The following NPAS3 variants were observed in gnomAD, a reference collection of about 807,000 sequenced individuals.
NPAS3 encodes the protein neuronal PAS domain-containing protein 3.
A neutral mutation model predicts 73.1 loss-of-function variants in NPAS3; 14 were observed. That is an observed-to-expected ratio of 0.19 (90% CI 0.13 to 0.30). The LOEUF (loss-of-function observed/expected upper bound fraction) is 0.30. NPAS3 is among the 10% of genes least tolerant of loss of function. The probability of loss-of-function intolerance (pLI) is 1.00; values close to 1 mark genes in which losing one functional copy is unlikely to be tolerated. For synonymous variants in NPAS3, 620 were observed against 541.5 expected, an observed-to-expected ratio of 1.14 and a Z score of -2.01; for missense variants, 1,096 against 1,250.0, an observed-to-expected ratio of 0.88 and a Z score of 1.86.
In NPAS3 at chr14:33,369,404, C is replaced by CAAAA. The variant is rs3058296; in HGVS notation, c.468+2156_468+2159dup. Among the ~76,000 whole-genome samples the CAAAA allele has an allele frequency of 2.7e-3, 242 of 90,928 alleles. 5 individuals carry two copies. Among genetic ancestry groups the CAAAA allele is most frequent in the South Asian group, 5.3e-3 (14 of 2,644 alleles). 59.7% of individuals were successfully genotyped at this position (90,928 alleles called of 152,430 possible). On this transcript the variant is annotated intron_variant, in intron 4 of 11. Transcript: ENST00000356141. Reference sequence around the variant, plus strand: ...TCTATTTATTTGAAGGCCTCATTTCCAAAAAAAAAAAAAAAAAAAAAAAGG... The same window carrying CAAAA: ...TCTATTTATTTGAAGGCCTCATTTCCAAAAAAAAAAAAAAAAAAAAAAAAAAAGG...
chr14:33,793,877 GTT>G lies in NPAS3; in HGVS notation c.1154-17_1154-16del, dbSNP rs1416968960. On this transcript the variant is annotated intron_variant, in intron 9 of 11. Transcript: ENST00000356141. Reference sequence around the variant, plus strand: ...ATCCCAGTCTTAATACAATGCCTCTGTTTTGTTTTTTTTCGCCAGTGCTGAAT... The same window carrying G: ...ATCCCAGTCTTAATACAATGCCTCTGTTGTTTTTTTTCGCCAGTGCTGAAT... 6.2e-7 allele frequency: 1 copy of G among 1,601,868 alleles called. No individual in the cohort carries two copies. Among genetic ancestry groups the G allele is most frequent in the South Asian group, 1.1e-5 (1 of 88,570 alleles).
At chr14:33,736,730 G>A (rs577179299) in intron 7 of NPAS3, among the ~76,000 whole-genome samples, 32 of 152,048 alleles carry the variant, frequency 2.1e-4, no homozygotes, top group Non-Finnish European at 3.8e-4. Flanking sequence ...TCTGTCTCTC[G>A]GCATTCTTTC....
chr14:33,489,267 T>G (rs1310665444), intron 4 of NPAS3, among the ~76,000 whole-genome samples: 1 of 152,156 alleles, frequency 6.6e-6, no homozygotes, highest in Non-Finnish European at 1.5e-5. Context: ...CAATATAATA[T>G]AGGGATTTTG....
exon 12 of NPAS3, chr14:33,799,943 G>T: frequency 6.2e-7 from 1 of 1,614,104 alleles, no homozygotes; most frequent in Non-Finnish European, 8.5e-7. Context: ...GGGCGAGGAC[G>T]GCTTCGGTGC....
intron 1 of NPAS3, among the ~76,000 whole-genome samples, chr14:32,968,573 T>C (rs1443773283): frequency 6.6e-6 from 1 of 152,194 alleles, no homozygotes; most frequent in Non-Finnish European, 1.5e-5. Context: ...AATCCAGTAA[T>C]AAAGTTTAAT....
rs145354297 is a variant in NPAS3 at position 33,176,606 on chromosome 14, T to A, written c.141-38576T>A. Among the ~76,000 whole-genome samples the A allele has an allele frequency of 9.2e-5, 14 of 152,278 alleles. No individual in the cohort carries two copies. The East Asian group carries it at 2.7e-3, about 29-fold the overall frequency. ...ACTGTACGTAAATGCCACATTTGTTTATCTATTTATCTGTTGATGGACACT... is the reference window on the plus strand; with the variant it reads ...ACTGTACGTAAATGCCACATTTGTTAATCTATTTATCTGTTGATGGACACT... On this transcript the variant is annotated intron_variant, in intron 2 of 11. Coordinates refer to ENST00000356141, the Ensembl canonical transcript of NPAS3.
chr14:33,516,520 C>G (rs2053305833), intron 4 of NPAS3, among the ~76,000 whole-genome samples: 1 of 152,108 alleles, frequency 6.6e-6, no homozygotes, highest in Admixed American at 6.6e-5. Flanking sequence ...GAGTGGAGAA[C>G]CAGAGTCAGA....
intron 1 of NPAS3, among the ~76,000 whole-genome samples, chr14:32,957,727 A>T (rs756563262): frequency 6.6e-6 from 1 of 152,132 alleles, no homozygotes; most frequent in Non-Finnish European, 1.5e-5. Context: ...TTCTCTTAAC[A>T]ATTTAGAAAG....
intron 2 of NPAS3, among the ~76,000 whole-genome samples, chr14:33,191,816 C>A (rs965707189): frequency 6.6e-6 from 1 of 152,148 alleles, no homozygotes; most frequent in African/African-American, 2.4e-5. Context: ...ACAAAGCAAC[C>A]ATGTTATTTT....
chr14:33,477,647 A>G (rs958240099), intron 4 of NPAS3, among the ~76,000 whole-genome samples: 1 of 152,150 alleles, frequency 6.6e-6, no homozygotes, highest in Non-Finnish European at 1.5e-5. Flanking sequence ...CTGATTAAAC[A>G]CTTCGGATCC....
intron 1 of NPAS3, among the ~76,000 whole-genome samples, chr14:33,029,020 A>G (rs2039902171): frequency 1.3e-5 from 2 of 152,002 alleles, no homozygotes; most frequent in Admixed American, 6.6e-5. Context: ...AAGACAGCTT[A>G]GGAGTTTGAT....
Position 33,130,973 on chromosome 14 carries a change from G to T in NPAS3, c.140+74979G>T, listed in dbSNP as rs111318331. ...GGGACAACGGAAGCCTCAGAGATGG[G>T]TATTTATTCTACTCTTAAAGATATA... On this transcript the variant is annotated intron_variant, in intron 2 of 11. Coordinates refer to ENST00000356141, the Ensembl canonical transcript of NPAS3. Among the ~76,000 whole-genome samples, 422 of 152,196 alleles carry T rather than the reference G, an allele frequency of 2.8e-3. 1 individual carries two copies. The highest frequency in any genetic ancestry group is 9.9e-3 in the African/African-American group (412 of 41,530).
intron 2 of NPAS3, among the ~76,000 whole-genome samples, chr14:33,211,637 A>G (rs953199661): frequency 1.3e-5 from 2 of 152,092 alleles, no homozygotes; most frequent in African/African-American, 4.8e-5. Flanking sequence ...AAAATTTACT[A>G]TTTCTCCTAT....
chr14:33,015,239 T>C (rs58497144), intron 1 of NPAS3, among the ~76,000 whole-genome samples: 17,576 of 152,228 alleles, frequency 0.12, 1,106 homozygotes, highest in East Asian at 0.23. Flanking sequence ...CAAACTGTCT[T>C]CATCTGTTTT....
At chr14:33,242,076 T>C (rs1447049430) in intron 3 of NPAS3, among the ~76,000 whole-genome samples, 1 of 152,044 alleles carries the variant, frequency 6.6e-6, no homozygotes, top group Non-Finnish European at 1.5e-5. Flanking sequence ...CCAACTGATA[T>C]ACTAATAATT....
intron 7 of NPAS3, among the ~76,000 whole-genome samples, chr14:33,773,892 C>T (rs1008186079): frequency 1.3e-5 from 2 of 152,148 alleles, no homozygotes; most frequent in African/African-American, 4.8e-5. Flanking sequence ...CAATATCAAC[C>T]CCTGAACGAA....
intron 3 of NPAS3, among the ~76,000 whole-genome samples, chr14:33,225,025 T>G (rs2047573966): frequency 6.6e-6 from 1 of 152,180 alleles, no homozygotes; most frequent in African/African-American, 2.4e-5. Context: ...AACAAGCCTC[T>G]GTCCAAATGG....
At chr14:33,031,389 A>G (rs960530514) in intron 1 of NPAS3, among the ~76,000 whole-genome samples, 21 of 152,202 alleles carry the variant, frequency 1.4e-4, no homozygotes, top group African/African-American at 5.1e-4. Flanking sequence ...TCATATGCCT[A>G]GTTATGGCTA....
chr14:33,104,248 T>A (rs1030129045), intron 2 of NPAS3, among the ~76,000 whole-genome samples: 7 of 152,240 alleles, frequency 4.6e-5, no homozygotes, highest in Admixed American at 1.3e-4. Context: ...CATTGCAGTA[T>A]GGCTTTAGTA....
Sources: gnomAD v4.1 joint callset for allele counts (sites outside exome capture counted in the v4.1 genomes callset) on GRCh38, gnomAD v4.1.1 for gene constraint, MANE v1.5 for transcripts, NCBI Gene and HGNC (gene_info 2026-07-23, HGNC 2026-07-21) for gene names.